The following PHF8 variants were observed in gnomAD, a reference collection of about 807,000 sequenced individuals.
The protein encoded by PHF8 is histone lysine demethylase PHF8.
A neutral mutation model predicts 74.4 loss-of-function variants in PHF8; 9 were observed. The observed-to-expected ratio is 0.12, with a 90% confidence interval of 0.07 to 0.21. The LOEUF is 0.21. PHF8 is among the 10% of genes least tolerant of loss of function. PHF8 has a pLI of 1.00. For missense variants in PHF8, 478 were observed against 816.6 expected, an observed-to-expected ratio of 0.59 and a Z score of 5.05; for synonymous variants, 311 against 316.6, an observed-to-expected ratio of 0.98 and a Z score of 0.19.
At chrX:54,021,063 A>G (rs1463333051) in intron 4 of PHF8, among the ~76,000 whole-genome samples, 2 of 112,509 alleles carry the variant, frequency 1.8e-5, no homozygotes, top group African/African-American at 6.4e-5. Flanking sequence ...TGGAATGGAT[A>G]AAGAAAAGTG....
intron 18 of PHF8, 80 bp downstream of exon 18, chrX:53,984,834 G>A (rs1160510945): frequency 3.9e-6 from 3 of 773,904 alleles, no homozygotes; most frequent in Non-Finnish European, 6.0e-6. Context: ...ACTACAAGCT[G>A]TCCTCTATTG....
intron 19 of PHF8, among the ~76,000 whole-genome samples, chrX:53,950,738 C>A (rs1466156552): frequency 8.9e-6 from 1 of 112,468 alleles, no homozygotes; most frequent in Non-Finnish European, 1.9e-5. Flanking sequence ...ACAGACTTTA[C>A]AGAATTAGTT....
chrX:54,032,312 G>A (rs1434585783), intron 2 of PHF8, among the ~76,000 whole-genome samples: 2 of 110,819 alleles, frequency 1.8e-5, no homozygotes, highest in African/African-American at 3.3e-5. Context: ...TGCTGGTCTG[G>A]GAACCATACT....
intron 8 of PHF8, among the ~76,000 whole-genome samples, chrX:54,009,255 A>G (rs2065942584): frequency 8.9e-6 from 1 of 111,943 alleles, no homozygotes; most frequent in African/African-American, 3.2e-5. Flanking sequence ...TAAATATACA[A>G]AGAACTGAAT....
chrX:54,009,415 TC>T (rs1485419311), intron 8 of PHF8, among the ~76,000 whole-genome samples: 2 of 108,987 alleles, frequency 1.8e-5, no homozygotes, highest in Non-Finnish European at 3.8e-5. Flanking sequence ...AAGCCTGAAA[TC>T]AATAAACTAA....
rs2065952773 is a variant in PHF8, at chrX:54,009,844, G to GGAAAAAAAAAAAAAAAAAAAAAAAAAAA, written c.946+1277_946+1278insTTTTTTTTTTTTTTTTTTTTTTTTTTTC. On this transcript the variant is annotated intron_variant, in intron 8 of 21. Coordinates refer to ENST00000338154, the MANE Select transcript of PHF8 (RefSeq NM_015107.3). ...GGTGACAGAGTGAGACTCTGTCTCA[G>GGAAAAAAAAAAAAAAAAAAAAAAAAAAA]AAAAAAAAAAAAAAAAAAAAAAAAA... 7.5e-4 allele frequency among the ~76,000 whole-genome samples: 7 copies of GGAAAAAAAAAAAAAAAAAAAAAAAAAAA among 9,390 alleles called. 1 individual carries two copies. The highest frequency in any genetic ancestry group is 1.1e-3 in the African/African-American group (7 of 6,417). The allele number at this position is 9,390 out of a possible 115,157, so 8.2% of individuals were successfully genotyped here.
intron 1 of PHF8, 171 bp from the exon 2 acceptor site, chrX:54,042,991 G>A (rs1163489189): frequency 5.9e-6 from 3 of 512,075 alleles, no homozygotes; most frequent in South Asian, 4.8e-5. Context: ...TCTTTCACAC[G>A]TAAAGAACGG....
At position 53,938,761 on chromosome X, in the gene PHF8, A is replaced by C; in HGVS notation, c.*397T>G. ...CTGGATATAGGGCTAGAGTTGCAGAAAGTGTCAAGCACTGGGCTTCCCACT... is the reference window on the plus strand; with the variant it reads ...CTGGATATAGGGCTAGAGTTGCAGACAGTGTCAAGCACTGGGCTTCCCACT... On this transcript the variant is annotated 3_prime_UTR_variant, in exon 22 of 22. Transcript: ENST00000338154. The C allele has an allele frequency of 1.3e-6, 1 of 772,620 alleles. No homozygotes were observed. The highest frequency in any genetic ancestry group is 1.5e-6 in the Non-Finnish European group (1 of 651,673). The allele number at this position is 772,620 out of a possible 1,213,427, so 63.7% of individuals were successfully genotyped here.
chrX:53,940,172 C>T lies in PHF8; in HGVS notation c.2986+8G>A, dbSNP rs1557082966. On this transcript the variant is annotated splice_region_variant and intron_variant, in intron 21 of 21. Transcript: ENST00000338154. ...TCCTTCGGTTCTACAACCATATGGC[C>T]GTTGTACCTTGTCCTGCCTGATTGC... The T allele has an allele frequency of 4.3e-6, 5 of 1,155,282 alleles. No individual in the cohort carries two copies. The highest frequency in any genetic ancestry group is 5.8e-6 in the Non-Finnish European group (5 of 859,363).
chrX:54,042,551 A>C (rs1557116197), intron 2 of PHF8, 80 bp downstream of exon 2: 1 of 899,091 alleles, frequency 1.1e-6, no homozygotes, highest in African/African-American at 2.0e-5. Context: ...GGAATCTAAA[A>C]ACAGAGCTGA....
intron 18 of PHF8, among the ~76,000 whole-genome samples, chrX:53,971,762 C>T (rs1467767112): frequency 1.8e-5 from 2 of 111,190 alleles, no homozygotes; most frequent in African/African-American, 6.5e-5. Flanking sequence ...GACACATACA[C>T]CCTCCGAAGA....
chrX:54,032,647 T>C lies in PHF8; in HGVS notation c.99-9804A>G, dbSNP rs191173074. On this transcript the variant is annotated intron_variant, in intron 2 of 21. Transcript: ENST00000338154. Reference sequence around the variant, plus strand: ...TTTTCTCTAGACCATGTATTATCACTTGACACACTATATATTAAGCTGTTA... The same window carrying C: ...TTTTCTCTAGACCATGTATTATCACCTGACACACTATATATTAAGCTGTTA... 3.6e-3 allele frequency among the ~76,000 whole-genome samples: 400 copies of C among 111,261 alleles called. 2 individuals are homozygous for C. The highest frequency in any genetic ancestry group is 0.012 in the African/African-American group (374 of 30,599).
In PHF8 at chrX:53,963,278, T is replaced by C. The variant is rs782102603; in HGVS notation, c.2444-339A>G. Among the ~76,000 whole-genome samples, 3 of 111,994 alleles carry C rather than the reference T, an allele frequency of 2.7e-5. No homozygotes were observed. In the East Asian group the frequency reaches 8.4e-4, roughly 31 times the overall value. On this transcript the variant is annotated intron_variant, in intron 18 of 21. Coordinates refer to ENST00000338154, the MANE Select transcript of PHF8 (RefSeq NM_015107.3). ...TCTTCCCTCCCTCTCCTAATCATGA[T>C]TGAGATGCCTCCTACTTGGCTCTCC...
At chrX:53,943,359 C>A (rs2064781414) in intron 20 of PHF8, 1 of 844,977 alleles carries the variant, frequency 1.2e-6, no homozygotes, top group South Asian at 2.5e-5. Flanking sequence ...CATTTACTGG[C>A]TGTATTATCC....
intron 11 of PHF8, among the ~76,000 whole-genome samples, chrX:53,999,004 A>G (rs2065789409): frequency 8.9e-6 from 1 of 112,389 alleles, no homozygotes; most frequent in African/African-American, 3.2e-5. Flanking sequence ...TAGTTAGGCA[A>G]GGATGGTACA....
chrX:53,967,229 C>T (rs2065212376), intron 18 of PHF8, among the ~76,000 whole-genome samples: 4 of 97,988 alleles, frequency 4.1e-5, no homozygotes, highest in Non-Finnish European at 8.3e-5. Flanking sequence ...AGTGAGGAGC[C>T]CCTCTGCCCG....
chrX:54,016,291 C>T (rs942484712), intron 6 of PHF8, among the ~76,000 whole-genome samples: 4 of 110,418 alleles, frequency 3.6e-5, no homozygotes, highest in African/African-American at 9.9e-5. Context: ...GTAGGGAGTT[C>T]GAGACCAGCC....
chrX:53,941,729 T>C (rs1490636278), intron 20 of PHF8, among the ~76,000 whole-genome samples: 5 of 111,989 alleles, frequency 4.5e-5, no homozygotes, highest in African/African-American at 1.6e-4. Context: ...ATAACAATAT[T>C]AGTAATACAT....
chrX:53,979,599 A>G (rs1557097360), intron 18 of PHF8, among the ~76,000 whole-genome samples: 1 of 111,455 alleles, frequency 9.0e-6, no homozygotes, highest in African/African-American at 3.3e-5. Context: ...GTTAAACACC[A>G]CAACCAAGTA....
Sources: allele counts gnomAD v4.1 joint callset (sites outside exome capture counted in the v4.1 genomes callset), GRCh38; gene constraint gnomAD v4.1.1; transcripts MANE v1.5; gene names NCBI Gene and HGNC (gene_info 2026-07-23, HGNC 2026-07-21).